ELP4: variants seen among roughly 807,000 people sequenced by gnomAD.
The protein encoded by ELP4 is elongator acetyltransferase complex subunit 4, also known as elongator complex protein 4.
ELP4 carries 51 observed loss-of-function variants against 48.9 expected under a neutral mutation model. The observed-to-expected ratio is 1.04, with a 90% CI of 0.83 to 1.32. The LOEUF is 1.32. ELP4 is among the 40% of genes most tolerant of loss of function. The pLI, the probability that ELP4 is intolerant of heterozygous loss-of-function variation, is 0.00. For synonymous variants in ELP4, 210 were observed against 189.2 expected, an observed-to-expected ratio of 1.11 and a Z score of -0.90; for missense variants, 519 against 514.6, an observed-to-expected ratio of 1.01 and a Z score of -0.08.
chr11:31,753,187 C>CT (rs553831306), intron 9 of ELP4, among the ~76,000 whole-genome samples: 18 of 152,204 alleles, frequency 1.2e-4, no homozygotes, highest in Non-Finnish European at 1.8e-4. Flanking sequence ...ATGTCGTCTG[C>CT]TTACCAAAAG....
chr11:31,641,392 TTC>T (rs1412908094), intron 7 of ELP4, among the ~76,000 whole-genome samples: 2 of 151,880 alleles, frequency 1.3e-5, no homozygotes, highest in Non-Finnish European at 2.9e-5. Flanking sequence ...TTCAAAGGCA[TTC>T]TTAATTTTTA....
chr11:31,780,915 C>G (rs953551719), intron 9 of ELP4, among the ~76,000 whole-genome samples: 1 of 152,226 alleles, frequency 6.6e-6, no homozygotes, highest in African/African-American at 2.4e-5. Context: ...CTCCATTCTT[C>G]ATGTCAGAAT....
intron 4 of ELP4, among the ~76,000 whole-genome samples, chr11:31,598,506 T>C (rs1289909561): frequency 7.5e-6 from 1 of 132,808 alleles, no homozygotes; most frequent in African/African-American, 2.8e-5. Flanking sequence ...TCTTCTTCTT[T>C]TTTTTTTTTT....
At chr11:31,613,735 A>C (rs1034594872) in intron 5 of ELP4, among the ~76,000 whole-genome samples, 4 of 112,954 alleles carry the variant, frequency 3.5e-5, no homozygotes, top group African/African-American at 1.4e-4. Context: ...TTTTTTTTTG[A>C]GATGGAGTCT....
intron 9 of ELP4, among the ~76,000 whole-genome samples, chr11:31,709,132 T>G (rs1946690493): frequency 6.6e-6 from 1 of 152,150 alleles, no homozygotes; most frequent in Admixed American, 6.6e-5. Flanking sequence ...GTCAAAATCA[T>G]TTGAGTGAAA....
At chr11:31,549,697 T>C (rs1174344975) in intron 3 of ELP4, among the ~76,000 whole-genome samples, 1 of 152,194 alleles carries the variant, frequency 6.6e-6, no homozygotes, top group African/African-American at 2.4e-5. Flanking sequence ...CGTATGTTTA[T>C]TGCGGCACTA....
intron 9 of ELP4, chr11:31,663,225 C>T (rs1945600478): frequency 6.6e-6 from 1 of 151,910 alleles, no homozygotes; most frequent in Non-Finnish European, 1.5e-5. Context: ...TTAAGCACAA[C>T]ATCTTTTAAA....
chr11:31,518,895 C>CAAA (rs34767268), intron 1 of ELP4, among the ~76,000 whole-genome samples: 30 of 66,968 alleles, frequency 4.5e-4, no homozygotes, highest in African/African-American at 1.3e-3. Flanking sequence ...GACTCTGTCT[C>CAAA]AAAAAAAAAA....
chr11:31,782,906 G>A (rs551000798), intron 9 of ELP4, among the ~76,000 whole-genome samples: 41 of 152,078 alleles, frequency 2.7e-4, no homozygotes, highest in Non-Finnish European at 4.7e-4. Flanking sequence ...AAAAAGAATC[G>A]TCAGGTCAAC....
intron 5 of ELP4, among the ~76,000 whole-genome samples, chr11:31,612,833 G>A (rs1958006763): frequency 6.6e-6 from 1 of 152,144 alleles, no homozygotes; most frequent in African/African-American, 2.4e-5. Context: ...AGAATGGCTG[G>A]GGGTTAGCTA....
At chr11:31,549,751 T>C (rs963838066) in intron 3 of ELP4, among the ~76,000 whole-genome samples, 5 of 152,218 alleles carry the variant, frequency 3.3e-5, no homozygotes, top group African/African-American at 1.2e-4. Context: ...TGTCCAACAA[T>C]TATAGACTGG....
At chr11:31,744,734 G>A (rs7947290) in intron 9 of ELP4, among the ~76,000 whole-genome samples, 1,523 of 152,122 alleles carry the variant, frequency 0.01, 23 homozygotes, top group African/African-American at 0.035. Flanking sequence ...TTGATGGGAC[G>A]TATCTCAAAA....
intron 9 of ELP4, among the ~76,000 whole-genome samples, chr11:31,665,549 C>T (rs888390451): frequency 3.2e-4 from 49 of 151,712 alleles, no homozygotes; most frequent in African/African-American, 1.1e-3. Flanking sequence ...ATTGATATAC[C>T]ATAATCATCA....
chr11:31,780,485 G>T (rs1186031321), intron 9 of ELP4, among the ~76,000 whole-genome samples: 1 of 152,116 alleles, frequency 6.6e-6, no homozygotes, highest in Non-Finnish European at 1.5e-5. Flanking sequence ...CCATCCTTGG[G>T]CATTTTCAAA....
intron 4 of ELP4, among the ~76,000 whole-genome samples, chr11:31,601,868 A>T (rs1234207081): frequency 6.6e-6 from 1 of 151,966 alleles, no homozygotes; most frequent in Non-Finnish European, 1.5e-5. Context: ...TCTGACATAG[A>T]CCAAGCTTTT....
chr11:31,628,275 A>G (rs1054541225), intron 6 of ELP4: 3 of 152,108 alleles, frequency 2.0e-5, no homozygotes, highest in South Asian at 2.1e-4. Context: ...CCTGACAGAC[A>G]CCTATCCCCA....
In ELP4 at chr11:31,664,113, G is replaced by A. The variant is rs1041271459; in HGVS notation, c.1143+13892G>A. ...CTTGGAAATCACACTAGCTATTCTTGTTTCAAATTCTGTTTAATATATTGT... is the reference window on the plus strand; with the variant it reads ...CTTGGAAATCACACTAGCTATTCTTATTTCAAATTCTGTTTAATATATTGT... On this transcript the variant is annotated intron_variant, in intron 9 of 9. Transcript: ENST00000640961. 4 of 151,986 alleles carry A rather than the reference G, an allele frequency of 2.6e-5. No individual in the cohort carries two copies. The East Asian group carries it at 7.7e-4, about 29-fold the overall frequency. The allele number at this position is 151,986 out of a possible 1,614,324, so 9.4% of individuals were successfully genotyped here. A position where few individuals can be genotyped will look rare whatever the true frequency, so the allele number is the denominator to read the frequency against.
intron 2 of ELP4, among the ~76,000 whole-genome samples, chr11:31,528,213 T>C (rs1223361736): frequency 6.6e-6 from 1 of 152,134 alleles, no homozygotes; most frequent in Non-Finnish European, 1.5e-5. Context: ...ACTTATTTAA[T>C]AGACTGTAAA....
intron 9 of ELP4, among the ~76,000 whole-genome samples, chr11:31,676,740 T>G (rs1945934041): frequency 6.6e-6 from 1 of 152,286 alleles, no homozygotes; most frequent in Non-Finnish European, 1.5e-5. Flanking sequence ...CTCAGAGAGA[T>G]AAAGAGGCTT....
Sources: allele counts gnomAD v4.1 joint callset (sites outside exome capture counted in the v4.1 genomes callset), GRCh38; gene constraint gnomAD v4.1.1; transcripts MANE v1.5; gene names NCBI Gene and HGNC (gene_info 2026-07-23, HGNC 2026-07-21).